Variants in ADARB2 observed in about 807,000 individuals in gnomAD.
ADARB2 encodes the protein adenosine deaminase RNA specific B2 (inactive), also known as inactive double-stranded RNA-specific editase B2.
Under a neutral mutation model 62.2 loss-of-function variants are expected in ADARB2, and 25 were observed. The observed-to-expected ratio is 0.40, with a 90% CI of 0.29 to 0.56. The LOEUF (loss-of-function observed/expected upper bound fraction) is 0.56, where lower values mean the gene tolerates loss of function less well. ADARB2 is among the 20% of genes least tolerant of loss of function. The pLI, the probability that ADARB2 is intolerant of heterozygous loss-of-function variation, is 0.43. For synonymous variants in ADARB2, 572 were observed against 500.8 expected (o/e 1.14, Z -1.90); for missense variants, 1,071 against 1,077.4 (o/e 0.99, Z 0.08).
chr10:1,670,686 G>A (rs1394715721), intron 1 of ADARB2, among the ~76,000 whole-genome samples: 6 of 152,216 alleles, frequency 3.9e-5, no homozygotes, highest in Admixed American at 3.3e-4. Flanking sequence ...GTCGCTCAGG[G>A]CCTCGAGGCT....
intron 1 of ADARB2, among the ~76,000 whole-genome samples, chr10:1,558,230 C>G (rs1219535852): frequency 6.6e-6 from 1 of 151,580 alleles, no homozygotes; most frequent in Admixed American, 6.6e-5. Flanking sequence ...CCTCTGCCCC[C>G]CTCCATGGGT....
chr10:1,720,191 G>T (rs1332230079), intron 1 of ADARB2, among the ~76,000 whole-genome samples: 1 of 152,208 alleles, frequency 6.6e-6, no homozygotes. Context: ...ATATAATGCA[G>T]CCATGAAAAA....
intron 8 of ADARB2, chr10:1,186,545 C>T (rs376038412): frequency 2.5e-5 from 13 of 519,066 alleles, no homozygotes; most frequent in African/African-American, 2.5e-4. Flanking sequence ...GTCTCCCTCT[C>T]ATTCATGCCT....
chr10:1,363,833 C>T lies in ADARB2; in HGVS notation c.272G>A (p.Gly91Asp). 3 of 1,566,176 alleles carry T rather than the reference C, an allele frequency of 1.9e-6. No individual in the cohort carries two copies. Among genetic ancestry groups the T allele is most frequent in the Non-Finnish European group, 2.6e-6 (3 of 1,163,666 alleles). ...RPPPSGDRARGGAPGAKRKRP... is the reference protein window; with the variant it reads ...RPPPSGDRARDGAPGAKRKRP... ...CTTCCTCTTCGCGCCGGGCGCGCCG[C>T]CCCGGGCCCGGTCCCCGGAGGGCGG... The change falls in exon 3 of 10, where the codon GGC (glycine) becomes GAC (aspartate). Residue 91 changes from glycine to aspartate, a missense_variant. Coordinates refer to ENST00000381312, the MANE Select transcript of ADARB2 (RefSeq NM_018702.4).
intron 1 of ADARB2, among the ~76,000 whole-genome samples, chr10:1,532,349 T>A (rs923423445): frequency 6.6e-6 from 1 of 152,214 alleles, no homozygotes; most frequent in African/African-American, 2.4e-5. Context: ...ACCCTCATCA[T>A]CTGAAAGCGT....
intron 1 of ADARB2, among the ~76,000 whole-genome samples, chr10:1,487,965 G>A (rs1353990594): frequency 6.6e-6 from 1 of 152,134 alleles, no homozygotes; most frequent in East Asian, 1.9e-4. Flanking sequence ...ATGAATTAGA[G>A]TCTTTCCATT....
chr10:1,412,222 G>A lies in ADARB2; in HGVS notation c.101-33062C>T, dbSNP rs538613617. Among the ~76,000 whole-genome samples the A allele has an allele frequency of 3.9e-5, 6 of 152,148 alleles. No homozygotes were observed. The East Asian group carries it at 9.6e-4, about 24-fold the overall frequency. ...TGCATCCTGCGAGCCCGGAGACCTC[G>A]GGGCTGGTTAGAGGATGGCTCAGTT... On this transcript the variant is annotated intron_variant, in intron 1 of 9. Coordinates refer to ENST00000381312, the MANE Select transcript of ADARB2 (RefSeq NM_018702.4).
At chr10:1,417,763 G>A (rs527602125) in intron 1 of ADARB2, among the ~76,000 whole-genome samples, 1 of 152,226 alleles carries the variant, frequency 6.6e-6, no homozygotes, top group African/African-American at 2.4e-5. Flanking sequence ...CCTGGCCTGG[G>A]CTCTGCGTGC....
intron 1 of ADARB2, among the ~76,000 whole-genome samples, chr10:1,474,023 C>G (rs1489497394): frequency 2.0e-5 from 3 of 150,036 alleles, no homozygotes; most frequent in Non-Finnish European, 4.5e-5. Flanking sequence ...TGACAGGGGG[C>G]TGGGTAGTTT....
At chr10:1,694,508 G>T (rs544688106) in intron 1 of ADARB2, among the ~76,000 whole-genome samples, 1 of 151,554 alleles carries the variant, frequency 6.6e-6, no homozygotes, top group Non-Finnish European at 1.5e-5. Context: ...ACCCACAACC[G>T]GTGGCACTTC....
At chr10:1,661,592 TTAGCCAGGGAAGCA>T (rs1171596511) in intron 1 of ADARB2, among the ~76,000 whole-genome samples, 2 of 152,036 alleles carry the variant, frequency 1.3e-5, no homozygotes, top group African/African-American at 4.8e-5. Flanking sequence ...AGGGTGGGCT[TTAGCCAGGGAAGCA>T]GAGCCAGGGT....
At chr10:1,640,396 G>A (rs532120697) in intron 1 of ADARB2, among the ~76,000 whole-genome samples, 1 of 152,326 alleles carries the variant, frequency 6.6e-6, no homozygotes, top group African/African-American at 2.4e-5. Context: ...CAAATAAACA[G>A]AACTAATTCT....
intron 8 of ADARB2, among the ~76,000 whole-genome samples, chr10:1,195,774 G>A (rs895168663): frequency 1.3e-5 from 2 of 152,132 alleles, no homozygotes; most frequent in Admixed American, 6.5e-5. Flanking sequence ...TCTAGCCCCC[G>A]AGCCAGCAAA....
At position 1,181,278 on chromosome 10, in the gene ADARB2, C is replaced by T. The variant is rs556868086; in HGVS notation, c.*1915G>A. On this transcript the variant is annotated 3_prime_UTR_variant, in exon 10 of 10. Coordinates refer to ENST00000381312, the MANE Select transcript of ADARB2 (RefSeq NM_018702.4). ...CCATCACCTCTCGACTCTAAGTTCT[C>T]TAAGCTTCATCCTAGTGATGTCAAG... The T allele has an allele frequency of 6.6e-6, 1 of 152,330 alleles. No individual in the cohort carries two copies. Among genetic ancestry groups the T allele is most frequent in the East Asian group, 1.9e-4 (1 of 5,188 alleles). The allele number at this position is 152,330 out of a possible 1,614,324, so 9.4% of individuals were successfully genotyped here.
intron 6 of ADARB2, among the ~76,000 whole-genome samples, chr10:1,220,288 G>GTGA (rs1564225335): frequency 3.0e-4 from 41 of 135,926 alleles, no homozygotes; most frequent in Admixed American, 2.3e-3. Flanking sequence ...AATGGTGATG[G>GTGA]TGGTGGTGAT....
At position 1,364,871 on chromosome 10, in the gene ADARB2, ATTT is replaced by A. The variant is rs35539783; in HGVS notation, c.188-957_188-955del. Reference sequence around the variant, plus strand: ...TATGCCTCTGTGTCACATTTTGGTAATTTTTTTTTTTTTTTTTTTGCGACGGAA... The same window carrying A: ...TATGCCTCTGTGTCACATTTTGGTAATTTTTTTTTTTTTTTTGCGACGGAA... On this transcript the variant is annotated intron_variant, in intron 2 of 9. Transcript: ENST00000381312. 4.8e-3 allele frequency among the ~76,000 whole-genome samples: 611 copies of A among 127,334 alleles called. 1 individual carries two copies. Among genetic ancestry groups the A allele is most frequent in the Non-Finnish European group, 4.6e-3 (277 of 60,470 alleles). 83.5% of individuals were successfully genotyped at this position (127,334 alleles called of 152,430 possible). A position where few individuals can be genotyped will look rare whatever the true frequency, so the allele number is the denominator to read the frequency against.
At chr10:1,587,427 T>C (rs1321022770) in intron 1 of ADARB2, among the ~76,000 whole-genome samples, 2 of 152,044 alleles carry the variant, frequency 1.3e-5, no homozygotes, top group Admixed American at 6.6e-5. Context: ...AATGAAAAAA[T>C]GTTTGAAAAT....
chr10:1,279,045 T>G (rs1831346963), intron 3 of ADARB2, among the ~76,000 whole-genome samples: 1 of 152,208 alleles, frequency 6.6e-6, no homozygotes. Flanking sequence ...TATCAGCATT[T>G]TTTTCCCCAA....
At chr10:1,291,687 C>T (rs929075772) in intron 3 of ADARB2, 1 of 152,258 alleles carries the variant, frequency 6.6e-6, no homozygotes, top group Non-Finnish European at 1.5e-5. Flanking sequence ...AGATGGCCCA[C>T]CTCGGCCGGG....
Sources: gnomAD v4.1 joint callset for allele counts (sites outside exome capture counted in the v4.1 genomes callset) on GRCh38, gnomAD v4.1.1 for gene constraint, MANE v1.5 for transcripts, NCBI Gene and HGNC (gene_info 2026-07-23, HGNC 2026-07-21) for gene names.